CDC14A: variants seen among roughly 807,000 people sequenced by gnomAD.
CDC14A encodes the protein dual specificity protein phosphatase CDC14A.
Under a neutral mutation model 74.4 loss-of-function variants are expected in CDC14A, and 53 were observed. The ratio of observed to expected loss-of-function variants is 0.71; its 90% CI spans 0.57 to 0.89. The LOEUF is 0.89. Ranked by LOEUF, CDC14A falls within the 40% of genes least tolerant of loss-of-function variation. The pLI is 0.00. For missense variants in CDC14A, 646 were observed against 713.7 expected (o/e 0.91, Z 1.08); for synonymous variants, 247 against 258.4 (o/e 0.96, Z 0.43).
chr1:100,365,890 G>C (rs28361195), intron 2 of CDC14A, among the ~76,000 whole-genome samples: 5 of 151,634 alleles, frequency 3.3e-5, no homozygotes, highest in Non-Finnish European at 7.4e-5. Context: ...TAGGGAAACT[G>C]TTAGGTAATG....
chr1:100,417,131 T>A (rs1323860873), intron 4 of CDC14A, among the ~76,000 whole-genome samples: 1 of 152,220 alleles, frequency 6.6e-6, no homozygotes, highest in Non-Finnish European at 1.5e-5. Context: ...CAGAGAGCTT[T>A]GAGAACATAA....
intron 7 of CDC14A, among the ~76,000 whole-genome samples, chr1:100,452,422 G>A (rs1390759074): frequency 1.3e-5 from 2 of 152,178 alleles, no homozygotes. Flanking sequence ...TAAAGCAGGA[G>A]AATTGCTTGA....
At chr1:100,404,910 A>G (rs1659754927) in intron 4 of CDC14A, among the ~76,000 whole-genome samples, 1 of 152,240 alleles carries the variant, frequency 6.6e-6, no homozygotes, top group African/African-American at 2.4e-5. Context: ...AGCCTCAAAG[A>G]AATATTTTAG....
intron 4 of CDC14A, among the ~76,000 whole-genome samples, chr1:100,419,517 A>C (rs1661995138): frequency 6.6e-6 from 1 of 152,256 alleles, no homozygotes; most frequent in Non-Finnish European, 1.5e-5. Context: ...TGCTAAGGAA[A>C]GGACTCAGCA....
intron 11 of CDC14A, chr1:100,484,997 A>G (rs1381212218): frequency 3.1e-6 from 3 of 983,020 alleles, no homozygotes; most frequent in African/African-American, 1.7e-5. Context: ...ATAGGAAGGA[A>G]ATTGCATATC....
At position 100,365,941 on chromosome 1, in the gene CDC14A, T is replaced by TACACACACACACACACAC. The variant is rs34281009; in HGVS notation, c.141-11586_141-11569dup. 1.6e-3 allele frequency among the ~76,000 whole-genome samples: 227 copies of TACACACACACACACACAC among 142,498 alleles called. 1 individual carries two copies. The highest frequency in any genetic ancestry group is 5.2e-3 in the African/African-American group (199 of 38,380). 93.5% of individuals were successfully genotyped at this position (142,498 alleles called of 152,430 possible). ...TTGCTGATCAATTTCAACAAAATTT[T>TACACACACACACACACAC]ACACACACACACACACACACACACA... On this transcript the variant is annotated intron_variant, in intron 2 of 15. Transcript: ENST00000336454.
chr1:100,427,777 A>G (rs1322470840), intron 5 of CDC14A, among the ~76,000 whole-genome samples: 3 of 152,192 alleles, frequency 2.0e-5, no homozygotes, highest in African/African-American at 7.2e-5. Flanking sequence ...TACCTGCTGC[A>G]GGAGAGCTCA....
intron 7 of CDC14A, among the ~76,000 whole-genome samples, chr1:100,450,846 C>G (rs1009160882): frequency 3.3e-5 from 5 of 152,136 alleles, no homozygotes; most frequent in African/African-American, 9.7e-5. Flanking sequence ...GCAGTCTCGA[C>G]TCTAATTATG....
intron 7 of CDC14A, among the ~76,000 whole-genome samples, chr1:100,453,933 C>A (rs565736946): frequency 6.6e-6 from 1 of 152,198 alleles, no homozygotes; most frequent in African/African-American, 2.4e-5. Flanking sequence ...CGAGCCGCCA[C>A]GCCCAGCTGG....
At chr1:100,370,729 T>C (rs1413018254) in intron 2 of CDC14A, among the ~76,000 whole-genome samples, 3 of 152,190 alleles carry the variant, frequency 2.0e-5, no homozygotes, top group Non-Finnish European at 4.4e-5. Flanking sequence ...AGTAGAGTTT[T>C]AATTTGGGTA....
intron 4 of CDC14A, among the ~76,000 whole-genome samples, chr1:100,404,190 CAAA>C (rs34245613): frequency 7.5e-6 from 1 of 133,660 alleles, no homozygotes; most frequent in Admixed American, 7.5e-5. Flanking sequence ...GACTCCGTCT[CAAA>C]AAAAAAAAAA....
chr1:100,467,953 C>G lies in CDC14A; in HGVS notation c.839-3C>G, dbSNP rs1553191001. Reference sequence around the variant, plus strand: ...TTTCTTATTCTGTTTCATTCTCTTACAGCTGGTCTTGGAAGAACAGGGACA... The same window carrying G: ...TTTCTTATTCTGTTTCATTCTCTTAGAGCTGGTCTTGGAAGAACAGGGACA... On this transcript the variant is annotated splice_polypyrimidine_tract_variant and splice_region_variant and intron_variant, in intron 9 of 15. Transcript: ENST00000336454. The G allele has an allele frequency of 6.3e-7, 1 of 1,585,242 alleles. No individual in the cohort carries two copies. The highest frequency in any genetic ancestry group is 1.2e-5 in the South Asian group (1 of 85,666).
chr1:100,484,617 C>G, intron 11 of CDC14A, 166 bp downstream of exon 11: 1 of 1,211,008 alleles, frequency 8.3e-7, no homozygotes, highest in Non-Finnish European at 1.0e-6. Context: ...GGAAAGAAAC[C>G]AATTGCCCTT....
chr1:100,365,680 G>C (rs1424332554), intron 2 of CDC14A, among the ~76,000 whole-genome samples: 1 of 152,202 alleles, frequency 6.6e-6, no homozygotes, highest in African/African-American at 2.4e-5. Flanking sequence ...TCCCCAAGAA[G>C]TTGGCATCAG....
intron 4 of CDC14A, among the ~76,000 whole-genome samples, chr1:100,410,568 C>T (rs993426101): frequency 1.3e-5 from 2 of 152,184 alleles, no homozygotes; most frequent in African/African-American, 2.4e-5. Flanking sequence ...TTGCCTGCCT[C>T]GGCCTCCCAA....
At chr1:100,467,439 TTTTTC>T (rs1170804221) in intron 9 of CDC14A, among the ~76,000 whole-genome samples, 2 of 152,106 alleles carry the variant, frequency 1.3e-5, no homozygotes, top group Admixed American at 1.3e-4. Flanking sequence ...ACACAATTTT[TTTTTC>T]TTTCTTTTTC....
At chr1:100,354,450 T>C (rs1029328185) in intron 2 of CDC14A, among the ~76,000 whole-genome samples, 1 of 152,240 alleles carries the variant, frequency 6.6e-6, no homozygotes, top group Non-Finnish European at 1.5e-5. Context: ...GGAAATGATA[T>C]AGCAGTGCTG....
At chr1:100,465,225 A>G (rs1667684114) in intron 9 of CDC14A, among the ~76,000 whole-genome samples, 1 of 152,086 alleles carries the variant, frequency 6.6e-6, no homozygotes, top group Non-Finnish European at 1.5e-5. Flanking sequence ...AGCCTCCCAA[A>G]GTGCGGGGAT....
At chr1:100,427,029 A>G (rs976251861) in intron 5 of CDC14A, among the ~76,000 whole-genome samples, 26 of 152,336 alleles carry the variant, frequency 1.7e-4, no homozygotes, top group African/African-American at 6.3e-4. Context: ...AGTTCAGGCC[A>G]ACTAAGACTA....
Sources: gnomAD v4.1 joint callset for allele counts (sites outside exome capture counted in the v4.1 genomes callset) on GRCh38, gnomAD v4.1.1 for gene constraint, MANE v1.5 for transcripts, NCBI Gene and HGNC (gene_info 2026-07-23, HGNC 2026-07-21) for gene names.